The following RAPGEF4 variants were observed in gnomAD, a reference collection of about 807,000 sequenced individuals.
RAPGEF4 encodes Rap guanine nucleotide exchange factor 4.
In RAPGEF4, 66 loss-of-function variants were observed where a neutral mutation model predicts 147.9. The observed-to-expected ratio is 0.45, with a 90% confidence interval of 0.37 to 0.55. RAPGEF4 has a LOEUF of 0.55. RAPGEF4 is among the 20% of genes least tolerant of loss of function. RAPGEF4 has a pLI of 0.00. For missense variants in RAPGEF4, 1,071 were observed against 1,257.3 expected (o/e 0.85, Z 2.24); for synonymous variants, 419 against 442.7 (o/e 0.95, Z 0.67).
chr2:172,983,452 G>T, intron 10 of RAPGEF4, 44 bp from the exon 11 acceptor site: 1 of 1,577,184 alleles, frequency 6.3e-7, no homozygotes, highest in South Asian at 1.2e-5. Context: ...AGGCCCTAGT[G>T]ATGCCCTTTT....
chr2:172,796,724 G>A (rs1056413037), intron 2 of RAPGEF4, among the ~76,000 whole-genome samples: 4 of 152,118 alleles, frequency 2.6e-5, no homozygotes, highest in Non-Finnish European at 4.4e-5. Context: ...TCTCCAATAA[G>A]CACTAGCCTT....
intron 10 of RAPGEF4, among the ~76,000 whole-genome samples, chr2:172,974,351 C>T (rs1003641545): frequency 1.6e-4 from 25 of 152,226 alleles, no homozygotes; most frequent in African/African-American, 6.0e-4. Context: ...ATGCTTTGAG[C>T]ATTGGAAAGG....
chr2:172,831,300 C>CTTTTTTTTTTTTTTTA (rs1397732748), intron 4 of RAPGEF4, among the ~76,000 whole-genome samples: 1 of 30,606 alleles, frequency 3.3e-5, no homozygotes, highest in Non-Finnish European at 7.1e-5. Flanking sequence ...CAGAGTTTTG[C>CTTTTTTTTTTTTTTTA]TCTTGTTGCC....
intron 4 of RAPGEF4, 123 bp from the exon 5 acceptor site, chr2:172,917,679 C>A: frequency 1.2e-6 from 1 of 809,364 alleles, no homozygotes; most frequent in Non-Finnish European, 2.1e-6. Flanking sequence ...CGTTTCATGG[C>A]TCTATAAATA....
chr2:172,889,360 A>G (rs73977726), intron 4 of RAPGEF4, among the ~76,000 whole-genome samples: 1,853 of 152,296 alleles, frequency 0.012, 39 homozygotes, highest in East Asian at 0.1. Flanking sequence ...ATACTTATAC[A>G]TAGTAATAAT....
At chr2:172,736,477 C>CT (rs1041789384) in intron 1 of RAPGEF4, among the ~76,000 whole-genome samples, 3 of 152,152 alleles carry the variant, frequency 2.0e-5, no homozygotes, top group African/African-American at 2.4e-5. Context: ...GAGTAACATT[C>CT]TTTTTTTGTT....
chr2:172,780,703 A>C (rs978006828), intron 1 of RAPGEF4, among the ~76,000 whole-genome samples: 2 of 152,108 alleles, frequency 1.3e-5, no homozygotes, highest in African/African-American at 4.8e-5. Flanking sequence ...TTTTCTTTGC[A>C]TACCATTTCA....
At chr2:172,980,533 G>C (rs940590784) in intron 10 of RAPGEF4, among the ~76,000 whole-genome samples, 1 of 152,280 alleles carries the variant, frequency 6.6e-6, no homozygotes, top group African/African-American at 2.4e-5. Context: ...AGCCAAGGGG[G>C]AGGAGCATGG....
intron 4 of RAPGEF4, among the ~76,000 whole-genome samples, chr2:172,896,743 A>G (rs1403154931): frequency 2.0e-5 from 3 of 152,226 alleles, no homozygotes; most frequent in African/African-American, 7.2e-5. Flanking sequence ...TTTCCTCCAA[A>G]CAAAGACAAG....
intron 1 of RAPGEF4, among the ~76,000 whole-genome samples, chr2:172,751,090 C>T (rs1011918808): frequency 1.3e-5 from 2 of 152,100 alleles, no homozygotes; most frequent in Admixed American, 6.5e-5. Flanking sequence ...ATTCAGTGTC[C>T]CTTGCCATTC....
intron 1 of RAPGEF4, among the ~76,000 whole-genome samples, chr2:172,787,624 T>TTTATTTATTTA (rs1263096632): frequency 4.0e-5 from 6 of 151,708 alleles, no homozygotes; most frequent in Middle Eastern, 3.4e-3. Flanking sequence ...TATTTATTTA[T>TTTATTTATTTA]TTATTTATTT....
chr2:172,956,856 T>C (rs1193227574), intron 6 of RAPGEF4, among the ~76,000 whole-genome samples: 1 of 152,222 alleles, frequency 6.6e-6, no homozygotes, highest in Non-Finnish European at 1.5e-5. Flanking sequence ...TGTGAATATT[T>C]ATTGCTGGAA....
intron 4 of RAPGEF4, among the ~76,000 whole-genome samples, chr2:172,839,922 T>G (rs1559069299): frequency 1.3e-5 from 2 of 152,256 alleles, no homozygotes; most frequent in East Asian, 3.9e-4. Flanking sequence ...AGGCAGAGTA[T>G]CAATATAAAA....
intron 3 of RAPGEF4, 113 bp downstream of exon 3, chr2:172,797,726 A>C (rs1020599067): frequency 1.5e-5 from 12 of 789,572 alleles, no homozygotes; most frequent in Non-Finnish European, 2.4e-5. Context: ...TCTTTCCCAC[A>C]ATAAGGAGTT....
At chr2:172,867,683 C>A (rs1038230024) in intron 4 of RAPGEF4, among the ~76,000 whole-genome samples, 3 of 152,202 alleles carry the variant, frequency 2.0e-5, no homozygotes, top group Non-Finnish European at 4.4e-5. Flanking sequence ...ATTTGTTGGG[C>A]ATTCATAATT....
intron 6 of RAPGEF4, among the ~76,000 whole-genome samples, chr2:172,932,519 T>C (rs1686098554): frequency 6.6e-6 from 1 of 152,234 alleles, no homozygotes; most frequent in Admixed American, 6.5e-5. Flanking sequence ...TTTTTAATAG[T>C]TACAATGTTA....
intron 4 of RAPGEF4, among the ~76,000 whole-genome samples, chr2:172,915,076 C>A (rs1322928399): frequency 6.6e-6 from 1 of 152,184 alleles, no homozygotes; most frequent in East Asian, 1.9e-4. Context: ...AAGAATGAAT[C>A]TCCCAGGTTT....
intron 15 of RAPGEF4, among the ~76,000 whole-genome samples, chr2:172,996,142 T>C (rs1003454774): frequency 6.6e-6 from 1 of 152,256 alleles, no homozygotes; most frequent in African/African-American, 2.4e-5. Context: ...GGGTTTTACA[T>C]GTTCCTTTTT....
intron 4 of RAPGEF4, among the ~76,000 whole-genome samples, chr2:172,817,880 ATATATATATATATATATCACAAT>A (rs942893260): frequency 6.8e-5 from 2 of 29,608 alleles, no homozygotes; most frequent in Non-Finnish European, 2.0e-4. Flanking sequence ...ATTGTGATAT[ATATATATATATATATATCACAAT>A]TATATATATA....
Sources: gnomAD v4.1 joint callset for allele counts (sites outside exome capture counted in the v4.1 genomes callset) on GRCh38, gnomAD v4.1.1 for gene constraint, MANE v1.5 for transcripts, NCBI Gene and HGNC (gene_info 2026-07-23, HGNC 2026-07-21) for gene names.